The following RBM22 variants were observed in gnomAD, a reference collection of about 807,000 sequenced individuals.
The protein encoded by RBM22 is RNA binding motif protein 22.
A neutral mutation model predicts 50.1 loss-of-function variants in RBM22; 1 was observed. The observed-to-expected ratio is 0.02, with a 90% CI of 0.01 to 0.09. RBM22 has a LOEUF of 0.09. Ranked by LOEUF, RBM22 falls within the 10% of genes least tolerant of loss-of-function variation. The pLI is 1.00. For synonymous variants in RBM22, 152 were observed against 179.0 expected, an observed-to-expected ratio of 0.85 and a Z score of 1.20; for missense variants, 264 against 529.3, an observed-to-expected ratio of 0.50 and a Z score of 4.92.
intron 4 of RBM22, chr5:150,697,769 T>C: frequency 3.1e-6 from 1 of 326,818 alleles, no homozygotes; most frequent in Non-Finnish European, 5.9e-6. Context: ...GTTGAAAAAT[T>C]ATCTTTCTGA....
rs1428477371 is a variant in RBM22, at chr5:150,699,282, A to C, written c.109-11T>G. 1 of 1,564,802 alleles carries C rather than the reference A, an allele frequency of 6.4e-7. No individual in the cohort carries two copies. Among genetic ancestry groups the C allele is most frequent in the Non-Finnish European group, 8.6e-7 (1 of 1,159,622 alleles). On this transcript the variant is annotated splice_polypyrimidine_tract_variant and intron_variant, in intron 2 of 10. Transcript: ENST00000199814. Reference sequence around the variant, plus strand: ...ATACTTTTCTTTGGTCTATAATAGAAAAAAAATAGAAAAGAACTGGAGTTA... The same window carrying C: ...ATACTTTTCTTTGGTCTATAATAGACAAAAAATAGAAAAGAACTGGAGTTA...
chr5:150,700,863 T>C lies in RBM22; in HGVS notation c.54+69A>G, dbSNP rs770276024. On this transcript the variant is annotated intron_variant, in intron 1 of 10. Coordinates refer to ENST00000199814, the MANE Select transcript of RBM22 (RefSeq NM_018047.3). ...ATTCCTTCGGCCGCGCCGCAGGCCCTGTCCTGCCAGCTTGCAAGGTGCGCG... is the reference window on the plus strand; with the variant it reads ...ATTCCTTCGGCCGCGCCGCAGGCCCCGTCCTGCCAGCTTGCAAGGTGCGCG... The C allele has an allele frequency of 4.3e-6, 7 of 1,613,830 alleles. No homozygotes were observed. The East Asian group carries it at 1.6e-4, about 36-fold the overall frequency.
At chr5:150,692,744 A>G in intron 10 of RBM22, 151 bp downstream of exon 10, 5 of 920,136 alleles carry the variant, frequency 5.4e-6, no homozygotes, top group Non-Finnish European at 7.9e-6. Context: ...AGGAGAAAGA[A>G]AAATTTCAGA....
At chr5:150,697,734 CT>C in intron 4 of RBM22, 2 of 357,564 alleles carry the variant, frequency 5.6e-6, no homozygotes. Context: ...ATATTTTTCC[CT>C]TTCCTTTAAT....
At chr5:150,693,391 G>T in intron 8 of RBM22, 84 bp from the exon 9 acceptor site, 1 of 1,062,270 alleles carries the variant, frequency 9.4e-7, no homozygotes, top group Non-Finnish European at 1.4e-6. Flanking sequence ...GTCCAATGGA[G>T]TTCCTTCGCT....
intron 10 of RBM22, among the ~76,000 whole-genome samples, 160 bp from the exon 11 acceptor site, chr5:150,692,041 C>T (rs1234104737): frequency 6.6e-6 from 1 of 152,182 alleles, no homozygotes; most frequent in African/African-American, 2.4e-5. Flanking sequence ...CTTGTTATTT[C>T]CTTGGTTTTA....
rs1432639221 is a variant in RBM22, at chr5:150,701,036, G to A, written c.-51C>T. ...AGCTTCCGAATTGGGAGAGAGGACC[G>A]CCACAATCCCGTCAAGCCCCGAGGC... is the stretch of plus-strand genomic sequence containing the variant. On this transcript the variant is annotated 5_prime_UTR_variant, in exon 1 of 11. Coordinates refer to ENST00000199814, the MANE Select transcript of RBM22 (RefSeq NM_018047.3). The A allele has an allele frequency of 7.5e-6, 12 of 1,610,094 alleles. No individual in the cohort carries two copies. The highest frequency in any genetic ancestry group is 6.7e-5 in the Admixed American group (4 of 59,978).
rs959974604 is a variant in RBM22, at chr5:150,700,699, T to C, written c.55-202A>G. The C allele has an allele frequency of 4.6e-6, 7 of 1,530,334 alleles. No homozygotes were observed. In the African/African-American group the frequency reaches 6.9e-5, roughly 15 times the overall value. 94.8% of individuals were successfully genotyped at this position (1,530,334 alleles called of 1,614,324 possible). On this transcript the variant is annotated intron_variant, in intron 1 of 10. Coordinates refer to ENST00000199814, the MANE Select transcript of RBM22 (RefSeq NM_018047.3). ...CGGGAGAAAAGAAAACCAGCTCTAA[T>C]AGGCTGGAGGGGGCAGGGATGGAAA...
At chr5:150,695,391 G>A (rs944451234) in intron 7 of RBM22, 115 bp downstream of exon 7, 2 of 915,362 alleles carry the variant, frequency 2.2e-6, no homozygotes, top group Non-Finnish European at 3.3e-6. Context: ...ACTAACAATA[G>A]AGAGACTACA....
At chr5:150,692,002 G>T in intron 10 of RBM22, 121 bp from the exon 11 acceptor site, 1 of 1,104,928 alleles carries the variant, frequency 9.1e-7, no homozygotes, top group Non-Finnish European at 1.2e-6. Flanking sequence ...CGGGGCTTAA[G>T]CAAATGTCAG....
Position 150,693,201 on chromosome 5 carries a change from C to T in RBM22, c.1000+18G>A. 6.2e-7 allele frequency: 1 copy of T among 1,603,108 alleles called. No homozygotes were observed. The highest frequency in any genetic ancestry group is 1.3e-5 in the African/African-American group (1 of 74,750). ...GGGCAGAAAGAGCTTCTGAAGTCAG[C>T]AGGGAGTCTGCACTCACCTCCTGGC... On this transcript the variant is annotated intron_variant, in intron 9 of 10. Coordinates refer to ENST00000199814, the MANE Select transcript of RBM22 (RefSeq NM_018047.3).
At position 150,691,917 on chromosome 5, in the gene RBM22, A is replaced by C. The variant is rs759680731; in HGVS notation, c.1133-36T>G. 6.1e-6 allele frequency: 9 copies of C among 1,476,602 alleles called. No individual in the cohort carries two copies. In the African/African-American group the frequency reaches 7.1e-5, roughly 12 times the overall value. 91.5% of individuals were successfully genotyped at this position (1,476,602 alleles called of 1,614,324 possible). On this transcript the variant is annotated intron_variant, in intron 10 of 10. Transcript: ENST00000199814. ...GAGAGAACAAATGTGTTAGGCTGGT[A>C]GTTTCCTTGATAACCTTTCAAACCT...
rs571143820 is a variant in RBM22, at chr5:150,700,170, TGAAAAGACACAAA to T, written c.108+261_108+273del. ...CCCAGCTCCATTCCTTACTATTGTA[TGAAAAGACACAAA>T]CGCTCTCACCTTCTGGTCAACAGAC... On this transcript the variant is annotated intron_variant, in intron 2 of 10. Transcript: ENST00000199814. Among the ~76,000 whole-genome samples the T allele has an allele frequency of 7.2e-5, 11 of 152,316 alleles. No individual in the cohort carries two copies. In the South Asian group the frequency reaches 2.3e-3, roughly 32 times the overall value.
chr5:150,700,909 C>T lies in RBM22; in HGVS notation c.54+23G>A, dbSNP rs754623766. 6 of 1,614,116 alleles carry T rather than the reference C, an allele frequency of 3.7e-6. No individual in the cohort carries two copies. The African/African-American group carries it at 5.3e-5, about 14-fold the overall frequency. On this transcript the variant is annotated intron_variant, in intron 1 of 10. Coordinates refer to ENST00000199814, the MANE Select transcript of RBM22 (RefSeq NM_018047.3). Reference sequence around the variant, plus strand: ...GCGCGGCTTCGCCTCCTCCTTCCATCCTCCTCCGGCAGGCACACTCACCGC... The same window carrying T: ...GCGCGGCTTCGCCTCCTCCTTCCATTCTCCTCCGGCAGGCACACTCACCGC...
At chr5:150,699,178 G>C in intron 3 of RBM22, 64 bp downstream of exon 3, 1 of 1,544,832 alleles carries the variant, frequency 6.5e-7, no homozygotes, top group Non-Finnish European at 8.7e-7. Flanking sequence ...GTAAGCTGAA[G>C]GCTAATTTGG....
Position 150,700,712 on chromosome 5 carries a change from G to A in RBM22, c.55-215C>T, listed in dbSNP as rs7705571. ...AACCAGCTCTAATAGGCTGGAGGGG[G>A]CAGGGATGGAAAGGGTGCTGGTCCC... On this transcript the variant is annotated intron_variant, in intron 1 of 10. Transcript: ENST00000199814. 8.4e-3 allele frequency: 12,952 copies of A among 1,533,564 alleles called. 901 individuals are homozygous for A. In the African/African-American group the frequency reaches 0.15, roughly 18 times the overall value. 95.0% of individuals were successfully genotyped at this position (1,533,564 alleles called of 1,614,324 possible).
intron 4 of RBM22, among the ~76,000 whole-genome samples, chr5:150,697,397 C>T (rs1759289508): frequency 6.6e-6 from 1 of 152,118 alleles, no homozygotes; most frequent in Non-Finnish European, 1.5e-5. Context: ...CCAGCCTGGG[C>T]AACAGAGTGA....
At chr5:150,694,452 G>T (rs1285466546) in intron 7 of RBM22, 1 of 708,976 alleles carries the variant, frequency 1.4e-6, no homozygotes, top group Non-Finnish European at 2.1e-6. Flanking sequence ...GTAAATAAAG[G>T]TTCTCAAACA....
intron 4 of RBM22, chr5:150,697,778 G>C (rs1018162665): frequency 4.8e-5 from 15 of 312,616 alleles, no homozygotes; most frequent in African/African-American, 3.5e-4. Context: ...TTATCTTTCT[G>C]AAAAACAGTC....
Sources: gnomAD v4.1 joint callset for allele counts (sites outside exome capture counted in the v4.1 genomes callset) on GRCh38, gnomAD v4.1.1 for gene constraint, MANE v1.5 for transcripts, NCBI Gene and HGNC (gene_info 2026-07-23, HGNC 2026-07-21) for gene names.